The following MASP1 variants were observed in gnomAD, a reference collection of about 807,000 sequenced individuals.
The protein encoded by MASP1 is MBL associated serine protease 1.
MASP1 carries 59 observed loss-of-function variants against 77.1 expected under a neutral mutation model. The observed-to-expected ratio is 0.77, with a 90% CI of 0.62 to 0.95. The LOEUF is 0.95. MASP1 is among the 40% of genes least tolerant of loss of function. MASP1 has a pLI of 0.00. For synonymous variants in MASP1, 362 were observed against 354.5 expected, an observed-to-expected ratio of 1.02 and a Z score of -0.24; for missense variants, 885 against 912.9, an observed-to-expected ratio of 0.97 and a Z score of 0.39.
At chr3:187,243,368 AG>A (rs1487441905) in intron 9 of MASP1, 115 bp downstream of exon 9, 3 of 1,050,508 alleles carry the variant, frequency 2.9e-6, no homozygotes, top group African/African-American at 1.6e-5. Context: ...TTGCATTATC[AG>A]GCTCTACACA....
At chr3:187,272,412 A>G (rs1716600281) in intron 2 of MASP1, among the ~76,000 whole-genome samples, 1 of 152,172 alleles carries the variant, frequency 6.6e-6, no homozygotes, top group African/African-American at 2.4e-5. Flanking sequence ...TGTAGGGTGA[A>G]TTGTGTCCCC....
intron 2 of MASP1, among the ~76,000 whole-genome samples, chr3:187,283,890 C>T (rs1052894927): frequency 1.3e-5 from 2 of 152,300 alleles, no homozygotes; most frequent in East Asian, 1.9e-4. Context: ...CCTGAGGACC[C>T]ATACCTACAA....
In MASP1 at chr3:187,225,607, C is replaced by T. The variant is rs1712380756; in HGVS notation, c.1556-98G>A. 5.4e-5 allele frequency: 69 copies of T among 1,276,396 alleles called. 2 individuals carry two copies. The South Asian group carries it at 8.0e-4, about 15-fold the overall frequency. 79.1% of individuals were successfully genotyped at this position (1,276,396 alleles called of 1,614,324 possible). On this transcript the variant is annotated intron_variant, in intron 12 of 15. Coordinates refer to the MASP1 transcript ENST00000337774. ...CCGCCCCAGCCCCATCCAGCCCTTG[C>T]TTCCAGCCTTAGCCCTTTCACTGCC... is the stretch of plus-strand genomic sequence containing the variant.
At chr3:187,239,187 T>TAAAAA (rs4012004) in intron 10 of MASP1, among the ~76,000 whole-genome samples, 1 of 123,216 alleles carries the variant, frequency 8.1e-6, no homozygotes, top group Non-Finnish European at 1.8e-5. Context: ...TACTAAAAAT[T>TAAAAA]AAAAAAAAAA....
chr3:187,260,998 CCT>C, intron 3 of MASP1, 126 bp from the exon 4 acceptor site: 1 of 1,098,050 alleles, frequency 9.1e-7, no homozygotes, highest in Non-Finnish European at 1.4e-6. Flanking sequence ...CTCATTTAAT[CCT>C]CTCATACAGC....
rs1713036871 is a variant in MASP1, at chr3:187,235,114, G to A, written c.*570C>T. The A allele has an allele frequency of 1.6e-6, 2 of 1,287,242 alleles. No homozygotes were observed. The highest frequency in any genetic ancestry group is 4.6e-5 in the Admixed American group (2 of 43,546). The allele number at this position is 1,287,242 out of a possible 1,614,324, so 79.7% of individuals were successfully genotyped here. On this transcript the variant is annotated 3_prime_UTR_variant, in exon 11 of 11. Coordinates refer to ENST00000296280, the MANE Select transcript of MASP1 (RefSeq NM_139125.4). ...TTGGGAGAGAAACCCCAGGCATGAA[G>A]GTGCTCCAAGGGATCACACTAAGAG...
chr3:187,274,982 G>T (rs989669765), intron 2 of MASP1, among the ~76,000 whole-genome samples: 1 of 141,056 alleles, frequency 7.1e-6, no homozygotes, highest in African/African-American at 2.5e-5. Flanking sequence ...GGGTGGGAGG[G>T]AAGAGTCTGG....
At chr3:187,264,985 T>C (rs1715897258) in intron 2 of MASP1, among the ~76,000 whole-genome samples, 1 of 152,066 alleles carries the variant, frequency 6.6e-6, no homozygotes, top group Non-Finnish European at 1.5e-5. Context: ...TTTTGGGCCA[T>C]CTCCTTTCTA....
intron 2 of MASP1, among the ~76,000 whole-genome samples, chr3:187,280,693 T>C (rs558736703): frequency 6.6e-6 from 1 of 152,356 alleles, no homozygotes; most frequent in South Asian, 2.1e-4. Context: ...TTGTCTTATG[T>C]TACAACATAA....
At chr3:187,290,435 A>C (rs1015800897) in intron 1 of MASP1, among the ~76,000 whole-genome samples, 1 of 152,264 alleles carries the variant, frequency 6.6e-6, no homozygotes, top group Non-Finnish European at 1.5e-5. Context: ...AGACCAGATC[A>C]TTGACAGATA....
Position 187,241,547 on chromosome 3 carries a change from T to C in MASP1, c.1237A>G (p.Thr413Ala). The change falls in exon 10 of 11, where the codon ACC becomes GCC. Residue 413 changes from threonine to alanine, a missense_variant. Transcript: ENST00000296280. ...ATCCAGACTCCTTGGGCAGAACAGG[T>C]ATATATACCTGGATTAGTGAAAGAG... is the stretch of plus-strand genomic sequence containing the variant. ...KMLNNNTGIY[T>A]CSAQGVWMNK... is the part of the protein sequence containing the mutation. 6.2e-7 allele frequency: 1 copy of C among 1,611,724 alleles called. No individual in the cohort carries two copies. The highest frequency in any genetic ancestry group is 1.1e-5 in the South Asian group (1 of 91,004).
At position 187,235,085 on chromosome 3, in the gene MASP1, G is replaced by A. The variant is rs1253743438; in HGVS notation, c.*599C>T. ...AGGGATAAGGCTTAGACTGCAAGAA[G>A]CTTTTGGGAGAGAAACCCCAGGCAT... On this transcript the variant is annotated 3_prime_UTR_variant, in exon 11 of 11. Coordinates refer to ENST00000296280, the MANE Select transcript of MASP1 (RefSeq NM_139125.4). 1 of 1,287,138 alleles carries A rather than the reference G, an allele frequency of 7.8e-7. No homozygotes were observed. Among genetic ancestry groups the A allele is most frequent in the Non-Finnish European group, 1.0e-6 (1 of 988,730 alleles). 79.7% of individuals were successfully genotyped at this position (1,287,138 alleles called of 1,614,324 possible). A position where few individuals can be genotyped will look rare whatever the true frequency, so the allele number is the denominator to read the frequency against.
intron 13 of MASP1, among the ~76,000 whole-genome samples, chr3:187,224,284 C>CACCCAG (rs1712244861): frequency 6.6e-6 from 1 of 151,734 alleles, no homozygotes; most frequent in Non-Finnish European, 1.5e-5. Flanking sequence ...TAAATAACTT[C>CACCCAG]CTGAAGATCA....
chr3:187,264,486 A>AG (rs1028784399), intron 2 of MASP1, among the ~76,000 whole-genome samples: 1 of 152,128 alleles, frequency 6.6e-6, no homozygotes, highest in Non-Finnish European at 1.5e-5. Context: ...AAAAAAAAAA[A>AG]AGTACTTTAA....
intron 2 of MASP1, among the ~76,000 whole-genome samples, chr3:187,280,119 C>G (rs1326483099): frequency 1.3e-5 from 2 of 152,114 alleles, no homozygotes; most frequent in Non-Finnish European, 2.9e-5. Context: ...GAAGATCCTT[C>G]TGGATACTCA....
At chr3:187,269,025 A>G (rs1046592919) in intron 2 of MASP1, among the ~76,000 whole-genome samples, 2 of 151,200 alleles carry the variant, frequency 1.3e-5, no homozygotes, top group African/African-American at 4.9e-5. Flanking sequence ...AGATCATGCC[A>G]TTGCATTCCA....
intron 1 of MASP1, among the ~76,000 whole-genome samples, chr3:187,288,115 A>G (rs900774576): frequency 3.9e-5 from 6 of 152,210 alleles, no homozygotes. Flanking sequence ...AAATACATTT[A>G]TTTAATTTTT....
rs1259139128 is a variant in MASP1, at chr3:187,236,484, A to G, written c.1387T>C (p.Trp463Arg). The G allele has an allele frequency of 6.2e-7, 1 of 1,614,078 alleles. No homozygotes were observed. The highest frequency in any genetic ancestry group is 1.3e-5 in the African/African-American group (1 of 75,044). ...GRNAEPGLFP[W>R]QALIVVEDTS... ...TCCTCCACCACTATCAGGGCCTGCC[A>G]CGGGAAGAGGCCAGGCTCAGCATTT... The change falls in exon 11 of 11, where the codon TGG becomes CGG. Residue 463 changes from tryptophan to arginine, a missense_variant. Trp to Arg is a moderately radical substitution (Grantham distance 101, BLOSUM62 -3). Coordinates refer to ENST00000296280, the MANE Select transcript of MASP1 (RefSeq NM_139125.4).
chr3:187,286,295 C>T (rs1355035875), intron 1 of MASP1, among the ~76,000 whole-genome samples: 2 of 152,230 alleles, frequency 1.3e-5, no homozygotes, highest in Admixed American at 6.5e-5. Context: ...TTAACTTAAA[C>T]TCCTAGAAAG....
Sources: gnomAD v4.1 joint callset for allele counts (sites outside exome capture counted in the v4.1 genomes callset) on GRCh38, gnomAD v4.1.1 for gene constraint, MANE v1.5 for transcripts, NCBI Gene and HGNC (gene_info 2026-07-23, HGNC 2026-07-21) for gene names.